Variants in MCC observed in about 807,000 individuals in gnomAD.
The protein encoded by MCC is MCC regulator of Wnt signaling pathway.
MCC carries 90 observed loss-of-function variants against 116.2 expected under a neutral mutation model. That is an observed-to-expected ratio of 0.77 (90% CI 0.65 to 0.92). The LOEUF is 0.92. Ranked by LOEUF, MCC falls within the 40% of genes least tolerant of loss-of-function variation. The pLI is 0.00. For missense variants in MCC, 1,516 were observed against 1,312.2 expected (o/e 1.16, Z -2.40); for synonymous variants, 578 against 510.5 (o/e 1.13, Z -1.78).
intron 1 of MCC, among the ~76,000 whole-genome samples, chr5:113,402,153 A>G (rs1232338846): frequency 7.2e-5 from 11 of 151,962 alleles, no homozygotes; most frequent in Admixed American, 2.0e-4. Context: ...AATTAGCCCG[A>G]CGTAGTGGCA....
At chr5:113,083,189 A>C (rs754878096) in intron 10 of MCC, among the ~76,000 whole-genome samples, 181 bp from the exon 11 acceptor site, 10 of 148,776 alleles carry the variant, frequency 6.7e-5, no homozygotes, top group Non-Finnish European at 1.3e-4. Flanking sequence ...TAAATACTAT[A>C]AAAGCAGTAG....
intron 17 of MCC, among the ~76,000 whole-genome samples, chr5:113,034,106 C>T (rs1751156496): frequency 7.2e-6 from 1 of 138,756 alleles, no homozygotes; most frequent in Non-Finnish European, 1.5e-5. Context: ...AACTATGTTG[C>T]CCAGGCTGGT....
chr5:113,458,941 G>C (rs1487903753), intron 1 of MCC, among the ~76,000 whole-genome samples: 2 of 152,164 alleles, frequency 1.3e-5, no homozygotes, highest in African/African-American at 4.8e-5. Flanking sequence ...CCTCAGCAAA[G>C]TGGAACTGAT....
At chr5:113,374,941 G>A (rs1021549432) in intron 2 of MCC, among the ~76,000 whole-genome samples, 6 of 146,200 alleles carry the variant, frequency 4.1e-5, no homozygotes, top group South Asian at 2.2e-4. Flanking sequence ...GCAGTGAGCC[G>A]TGACTGTGCT....
At chr5:113,232,857 T>C (rs1369259416) in intron 3 of MCC, among the ~76,000 whole-genome samples, 1 of 152,170 alleles carries the variant, frequency 6.6e-6, no homozygotes, top group Non-Finnish European at 1.5e-5. Context: ...TACCAGTTAC[T>C]ATGTGACCTG....
chr5:113,412,772 T>C lies in MCC; in HGVS notation c.171-27560A>G, dbSNP rs547647830. Among the ~76,000 whole-genome samples the C allele has an allele frequency of 2.0e-5, 3 of 152,302 alleles. No homozygotes were observed. The South Asian group carries it at 6.2e-4, about 32-fold the overall frequency. ...ATTGAATACCATTTATTTCTTTCTCTTGCCTGACTGCCCTGGCCAGAATTT... is the reference window on the plus strand; with the variant it reads ...ATTGAATACCATTTATTTCTTTCTCCTGCCTGACTGCCCTGGCCAGAATTT... On this transcript the variant is annotated intron_variant, in intron 1 of 18. Coordinates refer to ENST00000408903, the MANE Select transcript of MCC (RefSeq NM_001085377.2).
At chr5:113,255,325 T>C (rs1056117864) in intron 3 of MCC, among the ~76,000 whole-genome samples, 14 of 152,202 alleles carry the variant, frequency 9.2e-5, no homozygotes, top group Non-Finnish European at 1.6e-4. Flanking sequence ...CAATTTTTCC[T>C]TCCCTGTTTT....
At chr5:113,372,217 G>T (rs891370677) in intron 2 of MCC, among the ~76,000 whole-genome samples, 3 of 152,166 alleles carry the variant, frequency 2.0e-5, no homozygotes, top group African/African-American at 7.2e-5. Flanking sequence ...CTTGGTTTAT[G>T]CTGACTAAAA....
rs1761471785 is a variant in MCC at position 113,178,922 on chromosome 5, C to G, written c.628-27500G>C. Reference sequence around the variant, plus strand: ...TCTCATTTATCTTATCAAAAAAAATCTTATAATATTTACACATACTCTAAG... The same window carrying G: ...TCTCATTTATCTTATCAAAAAAAATGTTATAATATTTACACATACTCTAAG... On this transcript the variant is annotated intron_variant, in intron 3 of 18. Transcript: ENST00000408903. Among the ~76,000 whole-genome samples, 3 of 1,544 alleles carry G rather than the reference C, an allele frequency of 1.9e-3. No individual in the cohort carries two copies. The South Asian group carries it at 0.19, about 96-fold the overall frequency. The allele number at this position is 1,544 out of a possible 152,430, so 1.0% of individuals were successfully genotyped here.
chr5:113,297,513 C>G (rs930907585), intron 3 of MCC, among the ~76,000 whole-genome samples: 1 of 151,698 alleles, frequency 6.6e-6, no homozygotes, highest in Non-Finnish European at 1.5e-5. Context: ...TGCAGTAAGC[C>G]GAGACCGCAC....
intron 3 of MCC, among the ~76,000 whole-genome samples, chr5:113,263,495 T>C (rs1765289602): frequency 6.6e-6 from 1 of 152,140 alleles, no homozygotes; most frequent in Non-Finnish European, 1.5e-5. Context: ...AGCTGCAAAA[T>C]TGGTACCATT....
At chr5:113,206,287 G>C (rs1762907500) in intron 3 of MCC, among the ~76,000 whole-genome samples, 1 of 152,100 alleles carries the variant, frequency 6.6e-6, no homozygotes, top group African/African-American at 2.4e-5. Context: ...CCCCCTAACT[G>C]GAATCCTATT....
chr5:113,201,795 A>T (rs1046094548), intron 3 of MCC, among the ~76,000 whole-genome samples: 1 of 152,182 alleles, frequency 6.6e-6, no homozygotes, highest in African/African-American at 2.4e-5. Flanking sequence ...GAAAAGTCTT[A>T]TTCTGCTAGA....
intron 3 of MCC, among the ~76,000 whole-genome samples, chr5:113,305,092 G>A (rs1473358487): frequency 6.6e-6 from 1 of 152,046 alleles, no homozygotes; most frequent in African/African-American, 2.4e-5. Flanking sequence ...TCAAGCTGAG[G>A]GGTGAAGGAA....
At chr5:113,053,037 G>C (rs564940950) in intron 15 of MCC, among the ~76,000 whole-genome samples, 1 of 152,194 alleles carries the variant, frequency 6.6e-6, no homozygotes, top group Non-Finnish European at 1.5e-5. Flanking sequence ...TGAAGGGCTG[G>C]TGCCTGGCAT....
At chr5:113,092,667 C>T (rs1007231675) in intron 8 of MCC, among the ~76,000 whole-genome samples, 1 of 152,080 alleles carries the variant, frequency 6.6e-6, no homozygotes, top group African/African-American at 2.4e-5. Context: ...GAAAATTAAA[C>T]CTGAGAAAAA....
At chr5:113,476,702 A>T (rs889052780) in intron 1 of MCC, among the ~76,000 whole-genome samples, 1 of 152,218 alleles carries the variant, frequency 6.6e-6, no homozygotes, top group African/African-American at 2.4e-5. Flanking sequence ...ATAGCAGGCA[A>T]GTCTAGAGAG....
At chr5:113,302,623 G>T (rs1433294319) in intron 3 of MCC, among the ~76,000 whole-genome samples, 1 of 152,020 alleles carries the variant, frequency 6.6e-6, no homozygotes, top group Non-Finnish European at 1.5e-5. Context: ...AATATTTAGG[G>T]GTAAAATGAC....
At chr5:113,449,641 T>TA (rs1771329976) in intron 1 of MCC, among the ~76,000 whole-genome samples, 4 of 152,066 alleles carry the variant, frequency 2.6e-5, no homozygotes, top group Admixed American at 6.6e-5. Flanking sequence ...TAGGGCAAGG[T>TA]AGAGTGGAAC....
Sources: gnomAD v4.1 joint callset for allele counts (sites outside exome capture counted in the v4.1 genomes callset) on GRCh38, gnomAD v4.1.1 for gene constraint, MANE v1.5 for transcripts, NCBI Gene and HGNC (gene_info 2026-07-23, HGNC 2026-07-21) for gene names.